YPEL2: variants seen among roughly 807,000 people sequenced by gnomAD.
The protein encoded by YPEL2 is yippee like 2, also known as protein yippee-like 2.
YPEL2 carries 2 observed loss-of-function variants against 19.1 expected under a neutral mutation model. That is an observed-to-expected ratio of 0.10 (90% CI 0.04 to 0.33). YPEL2 has a LOEUF of 0.33. Ranked by LOEUF, YPEL2 falls within the 10% of genes least tolerant of loss-of-function variation. YPEL2 has a pLI of 1.00. For synonymous variants in YPEL2, 52 were observed against 50.0 expected, an observed-to-expected ratio of 1.04 and a Z score of -0.17; for missense variants, 66 against 140.7, an observed-to-expected ratio of 0.47 and a Z score of 2.68.
intron 1 of YPEL2, among the ~76,000 whole-genome samples, chr17:59,341,801 CTGCTATT>C (rs779338278): frequency 2.0e-5 from 3 of 152,204 alleles, no homozygotes; most frequent in Non-Finnish European, 4.4e-5. Context: ...TAAAATCTAT[CTGCTATT>C]CCCATTCAGA....
intron 4 of YPEL2, among the ~76,000 whole-genome samples, chr17:59,394,166 G>A (rs980718844): frequency 6.6e-6 from 1 of 151,696 alleles, no homozygotes; most frequent in African/African-American, 2.4e-5. Flanking sequence ...CTCCCTCCCG[G>A]ACGGGGCGGC....
intron 2 of YPEL2, among the ~76,000 whole-genome samples, chr17:59,376,883 A>T (rs1480005330): frequency 6.7e-6 from 1 of 148,710 alleles, no homozygotes; most frequent in Non-Finnish European, 1.5e-5. Context: ...TGGGAGGCAG[A>T]AGTTGCAGTG....
chr17:59,394,164 C>G (rs546370758), intron 4 of YPEL2, among the ~76,000 whole-genome samples: 1 of 151,616 alleles, frequency 6.6e-6, no homozygotes, highest in Non-Finnish European at 1.5e-5. Context: ...ACCTCCCTCC[C>G]GGACGGGGCG....
intron 1 of YPEL2, among the ~76,000 whole-genome samples, chr17:59,345,994 A>G (rs1461506067): frequency 1.3e-5 from 2 of 152,156 alleles, no homozygotes; most frequent in Non-Finnish European, 1.5e-5. Context: ...CCGCTGGGCA[A>G]CACTGCTGCC....
chr17:59,335,687 T>A (rs1311379490), intron 1 of YPEL2, among the ~76,000 whole-genome samples: 1 of 152,110 alleles, frequency 6.6e-6, no homozygotes, highest in African/African-American at 2.4e-5. Flanking sequence ...TAGCTGGGAT[T>A]ACAGGCGCAC....
chr17:59,396,185 A>C (rs111349158), intron 4 of YPEL2, among the ~76,000 whole-genome samples: 7,487 of 152,358 alleles, frequency 0.049, 273 homozygotes, highest in Non-Finnish European at 0.072. Flanking sequence ...AACTTCCGTT[A>C]GCACCAGTAA....
chr17:59,375,534 C>T (rs2047916323), intron 2 of YPEL2, among the ~76,000 whole-genome samples: 1 of 152,014 alleles, frequency 6.6e-6, no homozygotes, highest in Admixed American at 6.5e-5. Context: ...AGAGGGTGTT[C>T]CCTCGGTGGT....
intron 2 of YPEL2, chr17:59,356,325 T>TGG (rs2047812800): frequency 6.9e-6 from 1 of 144,992 alleles, no homozygotes; most frequent in Admixed American, 6.9e-5. Context: ...AAAAAGTGAG[T>TGG]GCTTTCATTA....
chr17:59,341,220 A>G (rs1490730182), intron 1 of YPEL2, among the ~76,000 whole-genome samples: 3 of 151,402 alleles, frequency 2.0e-5, no homozygotes, highest in East Asian at 2.0e-4. Flanking sequence ...GTGAAATCCC[A>G]TCTCTACTAA....
intron 2 of YPEL2, among the ~76,000 whole-genome samples, chr17:59,380,209 C>G (rs1046072385): frequency 6.6e-6 from 1 of 150,558 alleles, no homozygotes. Context: ...TAGAAACATT[C>G]TAACAGTAAC....
chr17:59,387,670 T>C (rs2047987599), intron 2 of YPEL2, among the ~76,000 whole-genome samples: 3 of 152,160 alleles, frequency 2.0e-5, no homozygotes, highest in African/African-American at 4.8e-5. Flanking sequence ...AAGAAACTAA[T>C]ATGTAAGCTA....
chr17:59,356,784 G>T (rs2047814944), intron 2 of YPEL2, among the ~76,000 whole-genome samples: 1 of 152,174 alleles, frequency 6.6e-6, no homozygotes, highest in Non-Finnish European at 1.5e-5. Flanking sequence ...CTGCTTTCTG[G>T]TTCACAGACA....
At chr17:59,394,357 C>T (rs1463254678) in intron 4 of YPEL2, among the ~76,000 whole-genome samples, 1 of 148,612 alleles carries the variant, frequency 6.7e-6, no homozygotes, top group Non-Finnish European at 1.5e-5. Flanking sequence ...GGCAGAGGCG[C>T]TCCTCACATC....
At chr17:59,337,501 T>C (rs1406118718) in intron 1 of YPEL2, among the ~76,000 whole-genome samples, 2 of 152,168 alleles carry the variant, frequency 1.3e-5, no homozygotes, top group Non-Finnish European at 1.5e-5. Context: ...GAGAAATTCT[T>C]TTAGAACCTA....
At chr17:59,371,521 C>A (rs2047897420) in intron 2 of YPEL2, among the ~76,000 whole-genome samples, 1 of 152,174 alleles carries the variant, frequency 6.6e-6, no homozygotes, top group South Asian at 2.1e-4. Context: ...TTTGTGTGAG[C>A]TGGAGAATGC....
intron 4 of YPEL2, among the ~76,000 whole-genome samples, chr17:59,394,962 G>C (rs568967861): frequency 8.5e-5 from 13 of 152,348 alleles, no homozygotes; most frequent in Non-Finnish European, 1.9e-4. Context: ...GGCGGCACGC[G>C]CCTGCAATCG....
At chr17:59,338,943 A>G (rs73323177) in intron 1 of YPEL2, among the ~76,000 whole-genome samples, 2,746 of 152,302 alleles carry the variant, frequency 0.018, 108 homozygotes, top group African/African-American at 0.062. Context: ...TAAAGCAGCC[A>G]ACCCCACACA....
chr17:59,367,528 AT>A (rs1214212811), intron 2 of YPEL2, among the ~76,000 whole-genome samples: 1 of 152,224 alleles, frequency 6.6e-6, no homozygotes, highest in Non-Finnish European at 1.5e-5. Context: ...GAAAAACTTT[AT>A]TTGCAAAACA....
chr17:59,389,258 T>C, intron 3 of YPEL2, 102 bp from the exon 4 acceptor site: 2 of 1,072,746 alleles, frequency 1.9e-6, no homozygotes, highest in Non-Finnish European at 2.8e-6. Flanking sequence ...TTGGCTCCCC[T>C]TGGGACAGCC....
Sources: gnomAD v4.1 joint callset for allele counts (sites outside exome capture counted in the v4.1 genomes callset) on GRCh38, gnomAD v4.1.1 for gene constraint, MANE v1.5 for transcripts, NCBI Gene and HGNC (gene_info 2026-07-23, HGNC 2026-07-21) for gene names.